ZNF532: variants seen among roughly 807,000 people sequenced by gnomAD.
ZNF532 encodes the protein zinc finger protein 532.
ZNF532 carries 22 observed loss-of-function variants against 89.3 expected under a neutral mutation model. The observed-to-expected ratio is 0.25, with a 90% CI of 0.18 to 0.35. ZNF532 has a LOEUF of 0.35. Among genes scored for constraint, ZNF532 ranks in the 10% least tolerant of loss-of-function variants. ZNF532 has a pLI of 1.00. For synonymous variants in ZNF532, 606 were observed against 649.6 expected (o/e 0.93, Z 1.02); for missense variants, 1,132 against 1,643.4 (o/e 0.69, Z 5.38).
chr18:58,964,675 C>T (rs1051629842), intron 7 of ZNF532, among the ~76,000 whole-genome samples: 3 of 151,862 alleles, frequency 2.0e-5, no homozygotes, highest in African/African-American at 7.3e-5. Context: ...CTACCTCACA[C>T]TCTTGGTCAC....
At chr18:58,884,480 AC>A (rs35470297) in intron 2 of ZNF532, among the ~76,000 whole-genome samples, 33,974 of 152,048 alleles carry the variant, frequency 0.22, 4,332 homozygotes, top group Middle Eastern at 0.41. Context: ...AGGATTTAGG[AC>A]CTAACGCACA....
At chr18:58,935,564 G>A (rs1429875432) in intron 4 of ZNF532, among the ~76,000 whole-genome samples, 1 of 118,460 alleles carries the variant, frequency 8.4e-6, no homozygotes, top group East Asian at 2.3e-4. Context: ...TATCTTCACT[G>A]TAGTCCCTTT....
At position 58,918,845 on chromosome 18, in the gene ZNF532, A is replaced by G; in HGVS notation, c.558A>G (p.Lys186=). 6.2e-7 allele frequency: 1 copy of G among 1,614,182 alleles called. No individual in the cohort carries two copies. Among genetic ancestry groups the G allele is most frequent in the Non-Finnish European group, 8.5e-7 (1 of 1,180,044 alleles). The part of the protein sequence containing the change: ...LKALGGENSS[K]TGLSTSGNVE... Reference sequence around the variant, plus strand: ...CACTCGGAGGGGAAAACTCCAGCAAAACTGGACTCTCTACGTCAGGCAATG... The same window carrying G: ...CACTCGGAGGGGAAAACTCCAGCAAGACTGGACTCTCTACGTCAGGCAATG... The change falls in exon 3 of 10, where the codon AAA becomes AAG. Residue 186 remains lysine (K), a synonymous_variant. Coordinates refer to ENST00000591808, the MANE Select transcript of ZNF532 (RefSeq NM_001375912.1).
chr18:58,923,358 C>T (rs2061277412), intron 3 of ZNF532, among the ~76,000 whole-genome samples: 1 of 151,332 alleles, frequency 6.6e-6, no homozygotes, highest in Non-Finnish European at 1.5e-5. Context: ...TTCCCATTTT[C>T]CCAGACTCAG....
chr18:58,909,277 C>T (rs1004364732), intron 2 of ZNF532, among the ~76,000 whole-genome samples: 1 of 152,058 alleles, frequency 6.6e-6, no homozygotes, highest in African/African-American at 2.4e-5. Flanking sequence ...TAATGTTTTC[C>T]TAGAGCAGGT....
chr18:58,966,262 T>C (rs1405552444), intron 7 of ZNF532, among the ~76,000 whole-genome samples: 2 of 152,148 alleles, frequency 1.3e-5, no homozygotes, highest in Non-Finnish European at 2.9e-5. Flanking sequence ...TGGAGAATAA[T>C]TTCAGTTTAG....
intron 7 of ZNF532, among the ~76,000 whole-genome samples, chr18:58,971,324 A>C (rs192614683): frequency 6.6e-6 from 1 of 152,192 alleles, no homozygotes; most frequent in Non-Finnish European, 1.5e-5. Flanking sequence ...CTGGCTTTAG[A>C]TTATCTACAT....
In ZNF532 at chr18:58,919,237, C is replaced by T; in HGVS notation, c.950C>T (p.Ser317Phe). 6.2e-7 allele frequency: 1 copy of T among 1,614,084 alleles called. No homozygotes were observed. Reference protein sequence around the residue: ...SPRAADKSPESQNLIDGTKKP... With the variant: ...SPRAADKSPEFQNLIDGTKKP... ...AGAGCCGCTGACAAGTCTCCTGAAT[C>T]CCAGAATCTCATCGACGGGACCAAA... The change falls in exon 3 of 10, where the codon TCC (serine) becomes TTC (phenylalanine). Residue 317 changes from serine (S) to phenylalanine (F), a missense_variant. By Grantham distance (155) the Ser-to-Phe change is radical (BLOSUM62 -2). Around this residue, in one of 9 missense-constraint regions of ZNF532, gnomAD observed 124 missense variants for 191.6 expected, o/e 0.65. Transcript: ENST00000591808. The surrounding 1 kb of genome is among the most constrained non-coding windows in gnomAD (Gnocchi z 6.1).
intron 6 of ZNF532, among the ~76,000 whole-genome samples, chr18:58,949,877 ATAG>A (rs1426167590): frequency 6.6e-6 from 1 of 152,226 alleles, no homozygotes; most frequent in Non-Finnish European, 1.5e-5. Flanking sequence ...CAAGGTAAAG[ATAG>A]TGGTGGTGAT....
At chr18:58,902,586 G>A (rs903877712) in intron 2 of ZNF532, among the ~76,000 whole-genome samples, 3 of 151,216 alleles carry the variant, frequency 2.0e-5, no homozygotes, top group South Asian at 2.1e-4. Flanking sequence ...TCCACCTCCC[G>A]GGTTCAAGCG....
chr18:58,942,331 C>G (rs1239734136), intron 5 of ZNF532, among the ~76,000 whole-genome samples: 1 of 67,390 alleles, frequency 1.5e-5, no homozygotes, highest in Non-Finnish European at 2.8e-5. Context: ...CCCTCCCTCC[C>G]TCCCTCCCTC....
At chr18:58,920,735 CGTGTGTGTGTGTGTGTGTGTGTGTGTGT>C (rs5825306) in intron 3 of ZNF532, 102 bp downstream of exon 3, 89 of 421,502 alleles carry the variant, frequency 2.1e-4, no homozygotes, top group Middle Eastern at 1.1e-3. Flanking sequence ...GTGAAATGGA[CGTGTGTGTGTGTGTGTGTGTGTGTGTGT>C]GTGTGTGTGT....
intron 2 of ZNF532, among the ~76,000 whole-genome samples, chr18:58,868,181 G>A (rs559264027): frequency 2.7e-4 from 41 of 152,190 alleles, no homozygotes; most frequent in Non-Finnish European, 5.4e-4. Context: ...AAGGGAAACT[G>A]ACTCCATTCC....
chr18:58,914,404 A>G (rs779841781), intron 2 of ZNF532, among the ~76,000 whole-genome samples: 1 of 152,244 alleles, frequency 6.6e-6, no homozygotes, highest in Non-Finnish European at 1.5e-5. Flanking sequence ...ACCATTGGCC[A>G]GGCGTGGTGG....
intron 2 of ZNF532, among the ~76,000 whole-genome samples, chr18:58,907,520 G>A (rs1323308356): frequency 1.3e-5 from 2 of 151,754 alleles, no homozygotes; most frequent in East Asian, 3.9e-4. Context: ...TTGAGATGGA[G>A]TTTCACTCTT....
intron 7 of ZNF532, among the ~76,000 whole-genome samples, chr18:58,969,903 G>T (rs1487206406): frequency 1.0e-5 from 1 of 97,442 alleles, no homozygotes; most frequent in Admixed American, 1.5e-4. Flanking sequence ...TTTTTGCCCC[G>T]AGATGGAGTC....
chr18:58,983,973 T>C lies in ZNF532; in HGVS notation c.3413T>C (p.Val1138Ala). Residue 1138 changes from valine (V) to alanine (A), a missense_variant and splice_region_variant, in exon 10 of 10, where the codon GTC becomes GCC. Physicochemically the swap from Val to Ala is moderately conservative, Grantham distance 64 (BLOSUM62 0). Around this residue, in one of 9 missense-constraint regions of ZNF532, gnomAD observed 415 missense variants for 604.8 expected, o/e 0.69. Coordinates refer to ENST00000591808, the MANE Select transcript of ZNF532 (RefSeq NM_001375912.1). ...EETEIKEDTK[V>A]PSPKRKLEEP... The stretch of plus-strand genomic sequence containing the variant: ...TCATTTGCTTTCTTTCCCTGAAAGG[T>C]CCCCAGTCCCAAGCGGAAGTTGGAA... 2.5e-6 allele frequency: 4 copies of C among 1,600,592 alleles called. No homozygotes were observed. Among genetic ancestry groups the C allele is most frequent in the Non-Finnish European group, 3.4e-6 (4 of 1,173,374 alleles).
At chr18:58,879,193 AC>A (rs1244948232) in intron 2 of ZNF532, among the ~76,000 whole-genome samples, 1 of 152,172 alleles carries the variant, frequency 6.6e-6, no homozygotes, top group African/African-American at 2.4e-5. Context: ...CAAATCTGAT[AC>A]ATTAGCGTCT....
At chr18:58,964,138 A>C (rs1173284211) in intron 7 of ZNF532, 2 of 152,180 alleles carry the variant, frequency 1.3e-5, no homozygotes, top group African/African-American at 2.4e-5. Flanking sequence ...CTTACTACAA[A>C]GTCTCTTATT....
Sources: gnomAD v4.1 joint callset for allele counts (sites outside exome capture counted in the v4.1 genomes callset) on GRCh38, gnomAD v4.1.1 for gene constraint, gnomAD v4.1.1 regional missense constraint, Gnocchi (gnomAD v3.1) non-coding constraint, MANE v1.5 for transcripts, NCBI Gene and HGNC (gene_info 2026-07-23, HGNC 2026-07-21) for gene names.